UBE2QL1: variants seen among roughly 807,000 people sequenced by gnomAD.
The protein encoded by UBE2QL1 is ubiquitin conjugating enzyme E2 QL1, also known as ubiquitin-conjugating enzyme E2Q-like protein 1.
Under a neutral mutation model 12.6 loss-of-function variants are expected in UBE2QL1, and 5 were observed. The ratio of observed to expected loss-of-function variants is 0.40; its 90% CI spans 0.21 to 0.83. The LOEUF (loss-of-function observed/expected upper bound fraction) is 0.83. UBE2QL1 is among the 40% of genes least tolerant of loss of function. The pLI is 0.37. For synonymous variants in UBE2QL1, 96 were observed against 94.5 expected (o/e 1.02, Z -0.10); for missense variants, 99 against 222.6 (o/e 0.44, Z 3.53).
chr5:6,460,805 A>G (rs2126333707), intron 1 of UBE2QL1, among the ~76,000 whole-genome samples: 1 of 152,356 alleles, frequency 6.6e-6, no homozygotes, highest in South Asian at 2.1e-4. Context: ...TGCTCCCTAA[A>G]TGCACATCAA....
chr5:6,485,898 G>A (rs755520620), intron 1 of UBE2QL1, among the ~76,000 whole-genome samples: 53 of 152,204 alleles, frequency 3.5e-4, no homozygotes, highest in Admixed American at 1.3e-4. Flanking sequence ...AATTAGCTAT[G>A]TAAATGCAAT....
At chr5:6,460,763 A>G (rs937927884) in intron 1 of UBE2QL1, among the ~76,000 whole-genome samples, 5 of 152,210 alleles carry the variant, frequency 3.3e-5, no homozygotes, top group Non-Finnish European at 5.9e-5. Flanking sequence ...AATTATGTAG[A>G]AGAATATTCT....
rs886365319 is a variant in UBE2QL1 at position 6,481,658 on chromosome 5, G to A, written c.355-9560G>A. Reference sequence around the variant, plus strand: ...CTGGGTCAGAAGCCTGGAGTGGCTCGGGCCTCCCACTGATCCTTCCCCCAG... The same window carrying A: ...CTGGGTCAGAAGCCTGGAGTGGCTCAGGCCTCCCACTGATCCTTCCCCCAG... On this transcript the variant is annotated intron_variant, in intron 1 of 1. Coordinates refer to ENST00000399816, the MANE Select transcript of UBE2QL1 (RefSeq NM_001145161.3). The surrounding 1 kb of genome is among the most constrained non-coding windows in gnomAD (Gnocchi z 4.5). Among the ~76,000 whole-genome samples, 4 of 151,536 alleles carry A rather than the reference G, an allele frequency of 2.6e-5. No homozygotes were observed. The highest frequency in any genetic ancestry group is 2.1e-4 in the South Asian group (1 of 4,816).
At chr5:6,491,097 A>T in intron 1 of UBE2QL1, 121 bp from the exon 2 acceptor site, 1 of 1,116,798 alleles carries the variant, frequency 9.0e-7, no homozygotes, top group Non-Finnish European at 1.2e-6. Context: ...GCTGGTGGCC[A>T]GTGCATTGCA....
At chr5:6,473,180 T>C (rs1734129220) in intron 1 of UBE2QL1, among the ~76,000 whole-genome samples, 1 of 152,214 alleles carries the variant, frequency 6.6e-6, no homozygotes, top group South Asian at 2.1e-4. Flanking sequence ...CCCCCTCTGC[T>C]CTTCCTTTTC....
chr5:6,467,757 C>T (rs1471987580), intron 1 of UBE2QL1, among the ~76,000 whole-genome samples: 1 of 152,110 alleles, frequency 6.6e-6, no homozygotes, highest in Non-Finnish European at 1.5e-5. Context: ...GGCCCCACCG[C>T]CCCAGCCTCT....
chr5:6,488,550 A>G (rs1734507442), intron 1 of UBE2QL1, among the ~76,000 whole-genome samples: 1 of 138,486 alleles, frequency 7.2e-6, no homozygotes, highest in Non-Finnish European at 1.5e-5. Context: ...TATAATCCTA[A>G]CACTGAGAAA....
intron 1 of UBE2QL1, among the ~76,000 whole-genome samples, chr5:6,461,540 A>ACCCCCCCCCCCCCCCCCCCCC (rs71606052): frequency 6.4e-5 from 3 of 46,772 alleles, no homozygotes; most frequent in Non-Finnish European, 1.5e-4. Context: ...TTCAGCACCC[A>ACCCCCCCCCCCCCCCCCCCCC]CCACCCCCCC....
At chr5:6,454,475 C>A (rs189142637) in intron 1 of UBE2QL1, among the ~76,000 whole-genome samples, 83 of 152,264 alleles carry the variant, frequency 5.5e-4, no homozygotes, top group Non-Finnish European at 5.3e-4. Context: ...AATAAGGTCA[C>A]CCTCTGAGGT....
chr5:6,461,703 A>C (rs1043444798), intron 1 of UBE2QL1, among the ~76,000 whole-genome samples: 13 of 152,062 alleles, frequency 8.5e-5, no homozygotes, highest in African/African-American at 3.1e-4. Context: ...CCTGCCCTAC[A>C]GTGCTCAGAC....
At chr5:6,471,050 G>A (rs1292287303) in intron 1 of UBE2QL1, among the ~76,000 whole-genome samples, 5 of 152,314 alleles carry the variant, frequency 3.3e-5, no homozygotes, top group African/African-American at 9.6e-5. Flanking sequence ...TTATTCAGGT[G>A]TAGCATCTTT....
chr5:6,465,732 C>A (rs145531209), intron 1 of UBE2QL1, among the ~76,000 whole-genome samples: 1 of 152,174 alleles, frequency 6.6e-6, no homozygotes, highest in Non-Finnish European at 1.5e-5. Context: ...TCACTTCCTG[C>A]GTGGGAATCG....
intron 1 of UBE2QL1, among the ~76,000 whole-genome samples, chr5:6,469,293 A>G (rs1739858083): frequency 6.6e-6 from 1 of 152,152 alleles, no homozygotes; most frequent in Non-Finnish European, 1.5e-5. Context: ...CAGATGCTTC[A>G]TGAGTTGAGG....
Position 6,496,687 on chromosome 5 carries a change from A to C in UBE2QL1, c.*5338A>C, listed in dbSNP as rs1734668689. ...AAAAAAAAAACAATGATTCTAGAAA[A>C]TAAAACTTTAAAACCAATAAACGTC... On this transcript the variant is annotated 3_prime_UTR_variant, in exon 2 of 2. Transcript: ENST00000399816. 6.6e-6 allele frequency among the ~76,000 whole-genome samples: 1 copy of C among 152,220 alleles called. No individual in the cohort carries two copies. Among genetic ancestry groups the C allele is most frequent in the Non-Finnish European group, 1.5e-5 (1 of 68,040 alleles).
rs1734634607 is a variant in UBE2QL1 at position 6,494,556 on chromosome 5, AC to A, written c.*3209del. On this transcript the variant is annotated 3_prime_UTR_variant, in exon 2 of 2. Coordinates refer to ENST00000399816, the MANE Select transcript of UBE2QL1 (RefSeq NM_001145161.3). ...TTGGTTTCCTCAGCTGTGAGCTCCT[AC>A]CAGGTCAGTGTGGGAATTGGCCAAA... 6.6e-6 allele frequency: 1 copy of A among 152,162 alleles called. No homozygotes were observed. The highest frequency in any genetic ancestry group is 1.5e-5 in the Non-Finnish European group (1 of 68,032). The allele number at this position is 152,162 out of a possible 1,614,324, so 9.4% of individuals were successfully genotyped here.
At chr5:6,482,395 C>T (rs563583667) in intron 1 of UBE2QL1, among the ~76,000 whole-genome samples, 96 of 152,296 alleles carry the variant, frequency 6.3e-4, no homozygotes, top group Non-Finnish European at 1.1e-3. Context: ...CTCTGACTCC[C>T]GGAAGCCTCA....
chr5:6,457,190 G>A (rs1317296375), intron 1 of UBE2QL1, among the ~76,000 whole-genome samples: 1 of 151,834 alleles, frequency 6.6e-6, no homozygotes, highest in African/African-American at 2.4e-5. Context: ...ATCCGCCACA[G>A]CCCCCACTGA....
At chr5:6,465,112 G>A (rs1172202407) in intron 1 of UBE2QL1, among the ~76,000 whole-genome samples, 4 of 151,244 alleles carry the variant, frequency 2.6e-5, no homozygotes, top group Admixed American at 6.6e-5. Flanking sequence ...TCAGCCTCCC[G>A]AGTATCTGGG....
chr5:6,486,884 A>G (rs990788783), intron 1 of UBE2QL1, among the ~76,000 whole-genome samples: 3 of 152,168 alleles, frequency 2.0e-5, no homozygotes, highest in African/African-American at 7.2e-5. Context: ...GATGCTGCTA[A>G]CTTCCTTCCA....
Sources: allele counts gnomAD v4.1 joint callset (sites outside exome capture counted in the v4.1 genomes callset), GRCh38; gene constraint gnomAD v4.1.1; non-coding constraint Gnocchi (gnomAD v3.1); transcripts MANE v1.5; gene names NCBI Gene and HGNC (gene_info 2026-07-23, HGNC 2026-07-21).